Variants in ELOVL5 observed in about 807,000 individuals in gnomAD.
The protein encoded by ELOVL5 is ELOVL fatty acid elongase 5.
Under a neutral mutation model 38.6 loss-of-function variants are expected in ELOVL5, and 8 were observed. The observed-to-expected ratio is 0.21, with a 90% CI of 0.12 to 0.37. The LOEUF (loss-of-function observed/expected upper bound fraction) is 0.37. Ranked by LOEUF, ELOVL5 falls within the 10% of genes least tolerant of loss-of-function variation. ELOVL5 has a pLI of 1.00. For synonymous variants in ELOVL5, 127 were observed against 133.7 expected (o/e 0.95, Z 0.34); for missense variants, 280 against 367.8 (o/e 0.76, Z 1.95).
chr6:53,340,958 C>T (rs1015355216), intron 1 of ELOVL5, among the ~76,000 whole-genome samples: 2 of 152,152 alleles, frequency 1.3e-5, no homozygotes, highest in Non-Finnish European at 2.9e-5. Context: ...CCTTGTAAAT[C>T]AAACCAGATG....
chr6:53,316,417 A>G (rs1175611607), intron 1 of ELOVL5, among the ~76,000 whole-genome samples: 1 of 152,154 alleles, frequency 6.6e-6, no homozygotes, highest in Non-Finnish European at 1.5e-5. Flanking sequence ...CAAAGAGAGT[A>G]ATATTTAAGG....
chr6:53,279,589 CAA>C (rs1341916817), intron 3 of ELOVL5, among the ~76,000 whole-genome samples: 1 of 152,166 alleles, frequency 6.6e-6, no homozygotes, highest in African/African-American at 2.4e-5. Flanking sequence ...AAACAAATGA[CAA>C]AGAGTTCAAG....
At chr6:53,316,297 T>C (rs1768036499) in intron 1 of ELOVL5, among the ~76,000 whole-genome samples, 1 of 152,002 alleles carries the variant, frequency 6.6e-6, no homozygotes, top group African/African-American at 2.4e-5. Context: ...AATAAAGTGA[T>C]CTATGTGCCA....
rs529352172 is a variant in ELOVL5, at chr6:53,280,185, G to A, written c.247-3929C>T. Among the ~76,000 whole-genome samples, 74 of 152,326 alleles carry A rather than the reference G, an allele frequency of 4.9e-4. 1 individual carries two copies. The highest frequency in any genetic ancestry group is 1.6e-3 in the African/African-American group (68 of 41,570). ...AGAAGGTGAAGTACTGAAAATAGGG[G>A]CAGGTGTCTGTCTACCTTGGGCTTC... On this transcript the variant is annotated intron_variant, in intron 3 of 7. Transcript: ENST00000304434.
chr6:53,297,000 G>C (rs1227470829), intron 1 of ELOVL5, among the ~76,000 whole-genome samples: 1 of 152,188 alleles, frequency 6.6e-6, no homozygotes, highest in Non-Finnish European at 1.5e-5. Flanking sequence ...AGTCAATCCA[G>C]ATGAGATGGG....
Position 53,269,984 on chromosome 6 carries a change from C to A in ELOVL5, c.756+609G>T, listed in dbSNP as rs940793371. Among the ~76,000 whole-genome samples the A allele has an allele frequency of 2.0e-5, 3 of 152,342 alleles. No individual in the cohort carries two copies. The East Asian group carries it at 5.8e-4, about 29-fold the overall frequency. On this transcript the variant is annotated intron_variant, in intron 7 of 7. Coordinates refer to ENST00000304434, the MANE Select transcript of ELOVL5 (RefSeq NM_021814.5). ...ATCAGCAGGCCTTATGGCTACCAGG[C>A]ACTGGCAACAAAGGCAGGACACATG...
chr6:53,340,182 T>C (rs894168317), intron 1 of ELOVL5, among the ~76,000 whole-genome samples: 4 of 151,966 alleles, frequency 2.6e-5, no homozygotes, highest in Non-Finnish European at 5.9e-5. Context: ...AAAAAATTTA[T>C]AAAATAGAAA....
chr6:53,273,084 T>C, intron 6 of ELOVL5, 136 bp downstream of exon 6: 1 of 961,532 alleles, frequency 1.0e-6, no homozygotes, highest in Non-Finnish European at 1.5e-6. Flanking sequence ...ATCTACCCAC[T>C]TCAAGGAATT....
intron 5 of ELOVL5, 54 bp from the exon 6 acceptor site, chr6:53,273,398 C>T (rs750034078): frequency 7.5e-5 from 111 of 1,474,302 alleles, no homozygotes; most frequent in Admixed American, 2.9e-4. Flanking sequence ...TTAAACAGAA[C>T]AGGTGGTAAA....
rs148578233 is a variant in ELOVL5 at position 53,268,090 on chromosome 6, C to T, written c.*1037G>A. 6.6e-6 allele frequency: 1 copy of T among 152,168 alleles called. No individual in the cohort carries two copies. Among genetic ancestry groups the T allele is most frequent in the Non-Finnish European group, 1.5e-5 (1 of 68,030 alleles). The allele number at this position is 152,168 out of a possible 1,614,324, so 9.4% of individuals were successfully genotyped here. On this transcript the variant is annotated 3_prime_UTR_variant, in exon 8 of 8. Coordinates refer to ENST00000304434, the MANE Select transcript of ELOVL5 (RefSeq NM_021814.5). Reference sequence around the variant, plus strand: ...AAAAAGTTCTAAGGTCCTTTCCCCCCCTTTGTTAATTTTGGTAAACTAGGC... The same window carrying T: ...AAAAAGTTCTAAGGTCCTTTCCCCCTCTTTGTTAATTTTGGTAAACTAGGC...
chr6:53,303,437 C>A (rs1254261311), intron 1 of ELOVL5, among the ~76,000 whole-genome samples: 1 of 152,158 alleles, frequency 6.6e-6, no homozygotes, highest in Admixed American at 6.5e-5. Flanking sequence ...TCTTTCTTCC[C>A]CCTGCAGAAT....
At chr6:53,287,611 T>A (rs1429446350) in intron 3 of ELOVL5, among the ~76,000 whole-genome samples, 1 of 152,204 alleles carries the variant, frequency 6.6e-6, no homozygotes, top group Non-Finnish European at 1.5e-5. Flanking sequence ...GCTCATGGCT[T>A]CACAGAGGAA....
intron 1 of ELOVL5, among the ~76,000 whole-genome samples, chr6:53,316,414 A>T (rs779790833): frequency 2.8e-4 from 43 of 152,258 alleles, no homozygotes; most frequent in Non-Finnish European, 4.9e-4. Context: ...CTGCAAAGAG[A>T]GTAATATTTA....
At chr6:53,270,287 T>C (rs1765873098) in intron 7 of ELOVL5, among the ~76,000 whole-genome samples, 1 of 152,252 alleles carries the variant, frequency 6.6e-6, no homozygotes, top group African/African-American at 2.4e-5. Flanking sequence ...GAGAGATTTC[T>C]GATTGAAATC....
intron 3 of ELOVL5, among the ~76,000 whole-genome samples, chr6:53,278,787 A>G (rs1581924614): frequency 6.6e-6 from 1 of 152,058 alleles, no homozygotes; most frequent in African/African-American, 2.4e-5. Context: ...TGCTACTCAC[A>G]CCTACCACAC....
Position 53,269,034 on chromosome 6 carries a change from C to T in ELOVL5, c.*93G>A, listed in dbSNP as rs1414607257. ...ATGAATCACACTATTGTAGGCCAGACTAGTTACAGCAGCTGTTAACGAGCA... is the reference window on the plus strand; with the variant it reads ...ATGAATCACACTATTGTAGGCCAGATTAGTTACAGCAGCTGTTAACGAGCA... On this transcript the variant is annotated 3_prime_UTR_variant, in exon 8 of 8. Transcript: ENST00000304434. 10 of 1,442,488 alleles carry T rather than the reference C, an allele frequency of 6.9e-6. No individual in the cohort carries two copies. Among genetic ancestry groups the T allele is most frequent in the Non-Finnish European group, 8.5e-6 (9 of 1,056,378 alleles). The allele number at this position is 1,442,488 out of a possible 1,614,324, so 89.4% of individuals were successfully genotyped here.
chr6:53,293,076 G>C (rs1038196337), intron 2 of ELOVL5, among the ~76,000 whole-genome samples: 8 of 152,062 alleles, frequency 5.3e-5, no homozygotes, highest in African/African-American at 1.9e-4. Flanking sequence ...TAAGTGTTAT[G>C]TGTCCCCTGA....
chr6:53,287,754 A>G, intron 3 of ELOVL5: 2 of 922,520 alleles, frequency 2.2e-6, no homozygotes, highest in Admixed American at 4.0e-5. Context: ...AGCATAACAG[A>G]TCGGCTAAGA....
intron 3 of ELOVL5, among the ~76,000 whole-genome samples, chr6:53,289,552 C>G (rs551263455): frequency 4.2e-4 from 64 of 152,198 alleles, no homozygotes; most frequent in Non-Finnish European, 8.1e-4. Flanking sequence ...AACCCTGTCT[C>G]TACTAAAAAT....
Sources: gnomAD v4.1 joint callset for allele counts (sites outside exome capture counted in the v4.1 genomes callset) on GRCh38, gnomAD v4.1.1 for gene constraint, MANE v1.5 for transcripts, NCBI Gene and HGNC (gene_info 2026-07-23, HGNC 2026-07-21) for gene names.